FXR1: variants seen among roughly 807,000 people sequenced by gnomAD.
The protein encoded by FXR1 is RNA-binding protein FXR1.
A neutral mutation model predicts 84.0 loss-of-function variants in FXR1; 15 were observed. That is an observed-to-expected ratio of 0.18 (90% CI 0.12 to 0.27). FXR1 has a LOEUF of 0.27. Among genes scored for constraint, FXR1 ranks in the 10% least tolerant of loss-of-function variants. The pLI is 1.00. For missense variants in FXR1, 480 were observed against 774.4 expected (o/e 0.62, Z 4.51); for synonymous variants, 245 against 250.7 (o/e 0.98, Z 0.21).
In FXR1 at chr3:180,982,375, T is replaced by G. The variant is rs902291074; in HGVS notation, c.*6083T>G. On this transcript the variant is annotated 3_prime_UTR_variant, in exon 17 of 17. Coordinates refer to ENST00000357559, the MANE Select transcript of FXR1 (RefSeq NM_005087.4). ...CCTCACATGGATAACATTTAAATGT[T>G]CAGTTTGCCTAATAGCCTTCAATGA... 29 of 152,186 alleles carry G rather than the reference T, an allele frequency of 1.9e-4. No individual in the cohort carries two copies. Among genetic ancestry groups the G allele is most frequent in the African/African-American group, 7.0e-4 (29 of 41,556 alleles). 9.4% of individuals were successfully genotyped at this position (152,186 alleles called of 1,614,324 possible). A position where few individuals can be genotyped will look rare whatever the true frequency, so the allele number is the denominator to read the frequency against.
chr3:180,935,082 A>C (rs986046112), intron 2 of FXR1, 56 bp from the exon 3 acceptor site: 12 of 756,680 alleles, frequency 1.6e-5, no homozygotes, highest in African/African-American at 3.6e-5. Context: ...AATATGCAAC[A>C]CCAGGCGTAG....
At chr3:180,963,124 A>ATAT (rs766362496) in intron 13 of FXR1, 34 bp downstream of exon 13, 2 of 782,988 alleles carry the variant, frequency 2.6e-6, no homozygotes, top group South Asian at 3.1e-5. Flanking sequence ...TTTTTTGGTA[A>ATAT]TAGTAATAAT....
chr3:180,915,963 T>C (rs1272499084), intron 1 of FXR1, among the ~76,000 whole-genome samples: 1 of 152,236 alleles, frequency 6.6e-6, no homozygotes, highest in Non-Finnish European at 1.5e-5. Context: ...GAAACTTGAT[T>C]TGTGCATGTT....
At chr3:180,947,987 A>G (rs773185870) in intron 4 of FXR1, 51 bp downstream of exon 4, 6 of 1,023,096 alleles carry the variant, frequency 5.9e-6, no homozygotes, top group Non-Finnish European at 9.0e-6. Context: ...GAAGTACCTC[A>G]GTGCTTGGTT....
chr3:180,975,283 C>T (rs567851571), intron 15 of FXR1, 30 bp from the exon 16 acceptor site: 1 of 859,988 alleles, frequency 1.2e-6, no homozygotes, highest in South Asian at 1.6e-5. Context: ...ATTTTTTCAA[C>T]ACCTGTAATT....
intron 3 of FXR1, among the ~76,000 whole-genome samples, chr3:180,944,656 A>T (rs1329987532): frequency 6.6e-6 from 1 of 151,732 alleles, no homozygotes; most frequent in Non-Finnish European, 1.5e-5. Flanking sequence ...GCCATTATTG[A>T]CTCCATGCTG....
At chr3:180,923,412 A>G (rs576943826) in intron 1 of FXR1, among the ~76,000 whole-genome samples, 1 of 152,240 alleles carries the variant, frequency 6.6e-6, no homozygotes, top group South Asian at 2.1e-4. Flanking sequence ...TTTTCCTTAC[A>G]TTACTGTCTT....
At chr3:180,932,159 A>T (rs552821182) in intron 1 of FXR1, among the ~76,000 whole-genome samples, 48 of 148,474 alleles carry the variant, frequency 3.2e-4, no homozygotes, top group Admixed American at 2.8e-3. Context: ...TATTCCTTCA[A>T]ATCTCTTTAC....
chr3:180,928,991 G>C (rs1022872970), intron 1 of FXR1, among the ~76,000 whole-genome samples: 2 of 151,272 alleles, frequency 1.3e-5, no homozygotes, highest in Non-Finnish European at 2.9e-5. Flanking sequence ...GCGCTTTCTC[G>C]GCTCACTGCA....
chr3:180,922,140 G>A (rs7653760), intron 1 of FXR1, among the ~76,000 whole-genome samples: 3,620 of 151,698 alleles, frequency 0.024, 83 homozygotes, highest in African/African-American at 0.062. Context: ...GTTTTTTGTC[G>A]CTCCACATAA....
At chr3:180,944,021 A>G (rs1349673937) in intron 3 of FXR1, among the ~76,000 whole-genome samples, 1 of 152,028 alleles carries the variant, frequency 6.6e-6, no homozygotes, top group African/African-American at 2.4e-5. Flanking sequence ...GGTTCAAGCA[A>G]TTCTCCTACC....
Position 180,963,170 on chromosome 3 carries a change from T to C in FXR1, c.1198+80T>C, listed in dbSNP as rs549310660. On this transcript the variant is annotated intron_variant, in intron 13 of 16. Transcript: ENST00000357559. ...GTTTAGGTGCTCTAACACATTTTCT[T>C]ATAATTAGTTCATTACTCTGTCTTG... The C allele has an allele frequency of 3.4e-5, 22 of 653,550 alleles. No individual in the cohort carries two copies. The African/African-American group carries it at 3.8e-4, about 11-fold the overall frequency. The allele number at this position is 653,550 out of a possible 1,614,324, so 40.5% of individuals were successfully genotyped here.
intron 10 of FXR1, among the ~76,000 whole-genome samples, chr3:180,960,297 T>C (rs935963960): frequency 2.0e-5 from 3 of 152,204 alleles, no homozygotes; most frequent in Admixed American, 6.5e-5. Flanking sequence ...ATATTTCTTT[T>C]AGTGGTCAGG....
In FXR1 at chr3:180,963,058, G is replaced by C; in HGVS notation, c.1166G>C (p.Gly389Ala). Residue 389 changes from glycine to alanine, a missense_variant, in exon 13 of 17, where the codon GGT (glycine) becomes GCT (alanine). Gly to Ala is a moderately conservative substitution (Grantham distance 60). This residue lies in a region of FXR1 where 157 missense variants were observed against 227.8 expected (regional missense o/e 0.69). Transcript: ENST00000357559. ...AGGTCTTATAGCGGAAGAGGCAGAG[G>C]TCGTCGGGGACCTAATTACACCTCC... Reference protein sequence around the residue: ...GSRSYSGRGRGRRGPNYTSGY... With the variant: ...GSRSYSGRGRARRGPNYTSGY... 6.2e-7 allele frequency: 1 copy of C among 1,600,350 alleles called. No individual in the cohort carries two copies. Among genetic ancestry groups the C allele is most frequent in the Non-Finnish European group, 8.6e-7 (1 of 1,168,324 alleles).
At chr3:180,925,359 C>CAAA (rs374315439) in intron 1 of FXR1, among the ~76,000 whole-genome samples, 1 of 128,588 alleles carries the variant, frequency 7.8e-6, no homozygotes, top group Non-Finnish European at 1.7e-5. Flanking sequence ...GACTCCATCT[C>CAAA]AAAAAAAAAA....
At chr3:180,933,834 C>T (rs1196402336) in intron 2 of FXR1, among the ~76,000 whole-genome samples, 3 of 151,894 alleles carry the variant, frequency 2.0e-5, no homozygotes, top group Non-Finnish European at 4.4e-5. Flanking sequence ...CGCTGGGCTG[C>T]GTGCGGTGGC....
At chr3:180,937,721 T>A (rs1720683815) in intron 3 of FXR1, among the ~76,000 whole-genome samples, 1 of 152,212 alleles carries the variant, frequency 6.6e-6, no homozygotes. Context: ...TTTATCCATA[T>A]TACGTAGAGT....
intron 1 of FXR1, among the ~76,000 whole-genome samples, chr3:180,932,089 A>AAAAAAAAC (rs930913742): frequency 6.6e-6 from 1 of 150,670 alleles, no homozygotes; most frequent in Non-Finnish European, 1.5e-5. Context: ...AAAAAAAAAA[A>AAAAAAAAC]ACAACTTTTT....
At chr3:180,953,379 A>G (rs377421100) in intron 8 of FXR1, among the ~76,000 whole-genome samples, 1 of 152,296 alleles carries the variant, frequency 6.6e-6, no homozygotes, top group South Asian at 2.1e-4. Context: ...AATTTTAACA[A>G]TTTGTATTGT....
Sources: gnomAD v4.1 joint callset for allele counts (sites outside exome capture counted in the v4.1 genomes callset) on GRCh38, gnomAD v4.1.1 for gene constraint, gnomAD v4.1.1 regional missense constraint, MANE v1.5 for transcripts, NCBI Gene and HGNC (gene_info 2026-07-23, HGNC 2026-07-21) for gene names.